The following APBA2 variants were observed in gnomAD, a reference collection of about 807,000 sequenced individuals.
APBA2 encodes amyloid-beta A4 precursor protein-binding family A member 2.
In APBA2, 30 loss-of-function variants were observed where a neutral mutation model predicts 75.0. The observed-to-expected ratio is 0.40, with a 90% CI of 0.30 to 0.54. The LOEUF is 0.54. APBA2 is among the 20% of genes least tolerant of loss of function. The pLI, the probability that APBA2 is intolerant of heterozygous loss-of-function variation, is 0.49. For synonymous variants in APBA2, 444 were observed against 409.6 expected (o/e 1.08, Z -1.01); for missense variants, 801 against 1,016.1 (o/e 0.79, Z 2.88).
intron 4 of APBA2, among the ~76,000 whole-genome samples, chr15:29,059,676 C>T (rs565887539): frequency 6.6e-6 from 1 of 152,138 alleles, no homozygotes; most frequent in South Asian, 2.1e-4. Flanking sequence ...GATTCATTGA[C>T]AAAAATGTGT....
intron 1 of APBA2, among the ~76,000 whole-genome samples, chr15:28,888,869 G>A (rs982152807): frequency 5.3e-5 from 8 of 152,198 alleles, no homozygotes; most frequent in African/African-American, 1.9e-4. Context: ...TAGGATGTAA[G>A]GTAGCCACTG....
intron 2 of APBA2, among the ~76,000 whole-genome samples, chr15:28,951,589 AT>A (rs1181806514): frequency 6.9e-6 from 1 of 145,046 alleles, no homozygotes; most frequent in Non-Finnish European, 1.5e-5. Flanking sequence ...GTTTTTTTTT[AT>A]TTTTTTATTT....
chr15:29,008,007 A>C (rs1310260291), intron 3 of APBA2, among the ~76,000 whole-genome samples: 2 of 152,230 alleles, frequency 1.3e-5, no homozygotes, highest in African/African-American at 4.8e-5. Flanking sequence ...ATGGATCAAC[A>C]AAATGTGGTG....
At chr15:28,896,752 A>T (rs898286797) in intron 1 of APBA2, among the ~76,000 whole-genome samples, 1 of 152,210 alleles carries the variant, frequency 6.6e-6, no homozygotes, top group African/African-American at 2.4e-5. Context: ...AAAAAGTCCC[A>T]TAAAACCCAC....
intron 13 of APBA2, among the ~76,000 whole-genome samples, chr15:29,109,366 A>G (rs543296032): frequency 2.3e-4 from 35 of 152,294 alleles, no homozygotes; most frequent in African/African-American, 8.4e-4. Flanking sequence ...TTGCTGCTAT[A>G]AAAAAGAGTC....
At chr15:29,026,302 GA>G (rs1419917844) in intron 3 of APBA2, among the ~76,000 whole-genome samples, 1 of 152,186 alleles carries the variant, frequency 6.6e-6, no homozygotes, top group African/African-American at 2.4e-5. Flanking sequence ...GGGTCCTTCT[GA>G]GGGTAGGTTC....
intron 14 of APBA2, 22 bp downstream of exon 14, chr15:29,114,038 G>C: frequency 6.2e-7 from 1 of 1,613,590 alleles, no homozygotes; most frequent in South Asian, 1.1e-5. Flanking sequence ...CTTTGAGTGT[G>C]CCTCTGCATG....
intron 4 of APBA2, among the ~76,000 whole-genome samples, chr15:29,057,565 T>C (rs1442381848): frequency 1.3e-5 from 2 of 152,244 alleles, no homozygotes; most frequent in African/African-American, 4.8e-5. Context: ...ATAAATGATG[T>C]ACGTAGCTGT....
rs1595767099 is a variant in APBA2 at position 29,028,158 on chromosome 15, C to T, written c.-40-25687C>T. ...TTCCTAATGTTCTCCCTCCCCCGAT[C>T]CCACCCCTGACAGGCCCCAGTGTTT... On this transcript the variant is annotated intron_variant, in intron 3 of 14. Transcript: ENST00000683413. Among the ~76,000 whole-genome samples the T allele has an allele frequency of 2.0e-5, 3 of 151,242 alleles. No individual in the cohort carries two copies. In the South Asian group the frequency reaches 6.3e-4, roughly 32 times the overall value.
intron 13 of APBA2, chr15:29,108,662 T>C (rs2044570735): frequency 3.5e-6 from 2 of 567,558 alleles, no homozygotes; most frequent in Admixed American, 6.1e-5. Flanking sequence ...TCCCCTGCTT[T>C]GGAGGGAGGG....
intron 9 of APBA2, among the ~76,000 whole-genome samples, chr15:29,099,478 C>G (rs1567009734): frequency 6.6e-6 from 1 of 152,210 alleles, no homozygotes; most frequent in Non-Finnish European, 1.5e-5. Context: ...ACACTCAGCC[C>G]AAGGTGTTTA....
intron 6 of APBA2, among the ~76,000 whole-genome samples, chr15:29,078,572 C>T (rs138048037): frequency 0.032 from 4,794 of 149,384 alleles, 161 homozygotes; most frequent in African/African-American, 0.081. Flanking sequence ...GATCATGCCA[C>T]TGTACTCCAG....
chr15:28,887,987 A>T (rs1444192422), intron 1 of APBA2, among the ~76,000 whole-genome samples: 1 of 152,008 alleles, frequency 6.6e-6, no homozygotes, highest in Non-Finnish European at 1.5e-5. Flanking sequence ...AGTGTGTGTG[A>T]GCAGGAGAGT....
At chr15:28,919,893 G>A (rs546084241) in intron 1 of APBA2, among the ~76,000 whole-genome samples, 1 of 152,316 alleles carries the variant, frequency 6.6e-6, no homozygotes, top group East Asian at 1.9e-4. Context: ...GCTCCGTGTG[G>A]CGACAGTGGC....
intron 3 of APBA2, among the ~76,000 whole-genome samples, chr15:29,040,181 A>G (rs896581994): frequency 2.0e-5 from 3 of 152,022 alleles, no homozygotes; most frequent in African/African-American, 7.2e-5. Flanking sequence ...AGAAAATCCA[A>G]CTCTCTGGTT....
chr15:29,004,001 G>A (rs1484390547), intron 3 of APBA2, among the ~76,000 whole-genome samples: 1 of 152,222 alleles, frequency 6.6e-6, no homozygotes, highest in Non-Finnish European at 1.5e-5. Context: ...GGGGGCTCCA[G>A]GACCAAAAGC....
At chr15:29,116,859 T>TG (rs1321927987) in intron 14 of APBA2, among the ~76,000 whole-genome samples, 8 of 152,044 alleles carry the variant, frequency 5.3e-5, no homozygotes, top group Admixed American at 5.2e-4. Context: ...GAGCCAGGGG[T>TG]GGGGACCTGG....
intron 3 of APBA2, among the ~76,000 whole-genome samples, chr15:29,037,434 G>A (rs959765365): frequency 1.3e-5 from 2 of 152,154 alleles, no homozygotes; most frequent in African/African-American, 2.4e-5. Context: ...GTGAATCATC[G>A]TGTGAGATTA....
chr15:28,898,712 C>T (rs2032661337), intron 1 of APBA2, among the ~76,000 whole-genome samples: 1 of 152,180 alleles, frequency 6.6e-6, no homozygotes, highest in Non-Finnish European at 1.5e-5. Context: ...AGTATAAAAA[C>T]AGAGCAGTTC....
Sources: gnomAD v4.1 joint callset for allele counts (sites outside exome capture counted in the v4.1 genomes callset) on GRCh38, gnomAD v4.1.1 for gene constraint, MANE v1.5 for transcripts, NCBI Gene and HGNC (gene_info 2026-07-23, HGNC 2026-07-21) for gene names.